The following BRME1 variants were observed in gnomAD, a reference collection of about 807,000 sequenced individuals.
The protein encoded by BRME1 is BRCA2 and MEILB2-associating protein 1.
A neutral mutation model predicts 52.6 loss-of-function variants in BRME1; 31 were observed. The ratio of observed to expected loss-of-function variants is 0.59; its 90% CI spans 0.44 to 0.80. The LOEUF (loss-of-function observed/expected upper bound fraction) is 0.80, where lower values mean the gene tolerates loss of function less well. Ranked by LOEUF, BRME1 falls within the 30% of genes least tolerant of loss-of-function variation. BRME1 has a pLI of 0.00. For missense variants in BRME1, 804 were observed against 860.3 expected, an observed-to-expected ratio of 0.93 and a Z score of 0.82; for synonymous variants, 359 against 353.6, an observed-to-expected ratio of 1.02 and a Z score of -0.17.
intron 2 of BRME1, among the ~76,000 whole-genome samples, chr19:13,902,019 C>T (rs6511897): frequency 0.34 from 51,325 of 150,000 alleles, 11,838 homozygotes; most frequent in African/African-American, 0.66. Context: ...CCAGCCTGGG[C>T]GACAAAGCAA....
Position 13,895,445 on chromosome 19 carries a change from C to T in BRME1, c.133G>A (p.Glu45Lys), listed in dbSNP as rs1969815579. ...SMLGCLHHPE[E>K]PEGKLGPVPS... ...ACAGGTCCCAATTTGCCCTCTGGCT[C>T]CTCAGGGTGATGTAAACAGCCCAAC... is the stretch of plus-strand genomic sequence containing the variant. Residue 45 changes from glutamate to lysine, a missense_variant, in exon 3 of 9, where the codon GAG (glutamate) becomes AAG (lysine). Glu to Lys is a moderately conservative substitution (Grantham distance 56). This residue lies in a region of BRME1 where 234 missense variants were observed against 258.1 expected (regional missense o/e 0.91). Coordinates refer to ENST00000586783, the MANE Select transcript of BRME1 (RefSeq NM_001345843.2). The T allele has an allele frequency of 1.2e-6, 2 of 1,614,048 alleles. No homozygotes were observed. Among genetic ancestry groups the T allele is most frequent in the South Asian group, 2.2e-5 (2 of 91,084 alleles).
Position 13,883,078 on chromosome 19 carries a change from T to TA in BRME1, c.1857-127dup. The TA allele has an allele frequency of 8.0e-7, 1 of 1,253,310 alleles. No individual in the cohort carries two copies. The highest frequency in any genetic ancestry group is 1.1e-6 in the Non-Finnish European group (1 of 906,558). 77.6% of individuals were successfully genotyped at this position (1,253,310 alleles called of 1,614,324 possible). Reference sequence around the variant, plus strand: ...CACACACGGCTCACACACGTGCACATAACCAGAAAGGGCCTGTTGTAGCAC... The same window carrying TA: ...CACACACGGCTCACACACGTGCACATAAACCAGAAAGGGCCTGTTGTAGCAC... On this transcript the variant is annotated intron_variant, in intron 8 of 8. Transcript: ENST00000586783. The surrounding 1 kb of genome is among the most constrained non-coding windows in gnomAD (Gnocchi z 4.2).
At chr19:13,895,024 G>A (rs1969778156) in intron 3 of BRME1, among the ~76,000 whole-genome samples, 3 of 151,970 alleles carry the variant, frequency 2.0e-5, no homozygotes. Context: ...GGGATTACAG[G>A]TGCGCCACCA....
chr19:13,900,826 C>T (rs1970245972), intron 2 of BRME1, among the ~76,000 whole-genome samples: 1 of 151,830 alleles, frequency 6.6e-6, no homozygotes, highest in Non-Finnish European at 1.5e-5. Flanking sequence ...CACATGCCAC[C>T]ATGCCCGGCT....
At chr19:13,891,611 G>A (rs1357572670) in intron 5 of BRME1, among the ~76,000 whole-genome samples, 3 of 151,796 alleles carry the variant, frequency 2.0e-5, no homozygotes, top group South Asian at 4.2e-4. Context: ...TGGGACTACA[G>A]GTACACACCA....
At chr19:13,891,090 T>C (rs961770389) in intron 5 of BRME1, among the ~76,000 whole-genome samples, 1 of 151,878 alleles carries the variant, frequency 6.6e-6, no homozygotes, top group Non-Finnish European at 1.5e-5. Flanking sequence ...ATCAGGGATA[T>C]GAAAATCAAG....
At chr19:13,893,650 G>A (rs1430152232) in intron 3 of BRME1, among the ~76,000 whole-genome samples, 1 of 152,150 alleles carries the variant, frequency 6.6e-6, no homozygotes, top group Non-Finnish European at 1.5e-5. Flanking sequence ...TAGGCTGGGC[G>A]TGGTGGCTCA....
At chr19:13,893,536 A>AAAAC (rs142886081) in intron 3 of BRME1, among the ~76,000 whole-genome samples, 55,858 of 151,582 alleles carry the variant, frequency 0.37, 14,700 homozygotes, top group African/African-American at 0.75. Context: ...TTCTGTGTCA[A>AAAAC]AAACAAACAA....
Position 13,889,192 on chromosome 19 carries a change from T to C in BRME1, c.1664A>G (p.Glu555Gly). The change falls in exon 6 of 9, where the codon GAG becomes GGG. Residue 555 changes from glutamate to glycine, a missense_variant. Physicochemically the swap from Glu to Gly is moderately conservative, Grantham distance 98 (BLOSUM62 -2). Coordinates refer to ENST00000586783, the MANE Select transcript of BRME1 (RefSeq NM_001345843.2). ...LDASDFEAPP[E>G]QLFPSGNKPG... is the part of the protein sequence containing the mutation. ...GTCACTCAGGGCAGCTCTCACCTGC[T>C]CAGGTGGGGCTTCGAAGTCAGAGGC... 1 of 1,577,608 alleles carries C rather than the reference T, an allele frequency of 6.3e-7. No homozygotes were observed.
At chr19:13,886,557 C>G (rs139886681) in intron 6 of BRME1, among the ~76,000 whole-genome samples, 1 of 152,192 alleles carries the variant, frequency 6.6e-6, no homozygotes, top group Non-Finnish European at 1.5e-5. Flanking sequence ...CCAGTGAATA[C>G]AGGGGAAAGC....
In BRME1 at chr19:13,883,487, G is replaced by A. The variant is rs1012389143; in HGVS notation, c.1764-87C>T. ...GTGGGAGGGGCTTCCGCAGGGCCTC[G>A]CGCCATCTTTTCCAGGTGTCCAGCC... On this transcript the variant is annotated intron_variant, in intron 7 of 8. Coordinates refer to ENST00000586783, the MANE Select transcript of BRME1 (RefSeq NM_001345843.2). The surrounding 1 kb of genome is among the most constrained non-coding windows in gnomAD (Gnocchi z 4.2). 21 of 1,002,596 alleles carry A rather than the reference G, an allele frequency of 2.1e-5. No individual in the cohort carries two copies. The highest frequency in any genetic ancestry group is 2.4e-4 in the Middle Eastern group (1 of 4,206). 62.1% of individuals were successfully genotyped at this position (1,002,596 alleles called of 1,614,324 possible).
At chr19:13,890,600 C>T (rs1003577277) in intron 5 of BRME1, 138 bp from the exon 6 acceptor site, 3 of 726,168 alleles carry the variant, frequency 4.1e-6, no homozygotes, top group Non-Finnish European at 6.1e-6. Context: ...CGTGATGGCT[C>T]ATGCCTGTAA....
At chr19:13,894,886 T>A (rs1031949067) in intron 3 of BRME1, among the ~76,000 whole-genome samples, 3 of 151,998 alleles carry the variant, frequency 2.0e-5, no homozygotes, top group African/African-American at 7.3e-5. Flanking sequence ...CAGTTAAAAC[T>A]TTTTTTTCTT....
intron 5 of BRME1, among the ~76,000 whole-genome samples, chr19:13,891,349 A>G (rs1416853141): frequency 6.6e-6 from 1 of 151,962 alleles, no homozygotes; most frequent in East Asian, 1.9e-4. Context: ...GAGTTTCTCC[A>G]TGTTGACCAG....
At chr19:13,905,258 T>A (rs978352188) in intron 1 of BRME1, among the ~76,000 whole-genome samples, 1 of 151,988 alleles carries the variant, frequency 6.6e-6, no homozygotes, top group African/African-American at 2.4e-5. Flanking sequence ...GACTGGGGTA[T>A]CTGGGGGCCC....
At position 13,890,025 on chromosome 19, in the gene BRME1, G is replaced by T. The variant is rs780700795; in HGVS notation, c.831C>A (p.Pro277=). ...AGGTAGGAGCTGATGCTGGGGTACA[G>T]GGGACACCGTCTCCCTCCTCCTGGG... ...GGPQEEGDGV[P]CTPASAPTSG... is the part of the protein sequence containing the mutation. The change falls in exon 6 of 9, where the codon CCC becomes CCA. Residue 277 remains proline, a synonymous_variant. Coordinates refer to ENST00000586783, the MANE Select transcript of BRME1 (RefSeq NM_001345843.2). 1.2e-6 allele frequency: 2 copies of T among 1,613,262 alleles called. No homozygotes were observed. The highest frequency in any genetic ancestry group is 3.3e-5 in the Admixed American group (2 of 60,012).
chr19:13,892,796 G>T lies in BRME1; in HGVS notation c.383C>A (p.Ala128Asp), dbSNP rs144225775. ...EMKDEDRGSGAFSLETIAESS... is the reference protein window; with the variant it reads ...EMKDEDRGSGDFSLETIAESS... ...ATTTTAGAGCCTTACCAGGCTAAAG[G>T]CCCCACTCCCACGGTCCTCATCCTT... The change falls in exon 5 of 9, where the codon GCC becomes GAC. Residue 128 changes from alanine to aspartate, a missense_variant. Ala to Asp is a moderately radical substitution (Grantham distance 126). Coordinates refer to ENST00000586783, the MANE Select transcript of BRME1 (RefSeq NM_001345843.2). The T allele has an allele frequency of 9.4e-5, 152 of 1,613,692 alleles. No individual in the cohort carries two copies. Among genetic ancestry groups the T allele is most frequent in the Non-Finnish European group, 1.2e-5 (14 of 1,179,726 alleles).
At chr19:13,894,777 T>A (rs555357840) in intron 3 of BRME1, among the ~76,000 whole-genome samples, 21 of 152,298 alleles carry the variant, frequency 1.4e-4, no homozygotes, top group African/African-American at 3.8e-4. Context: ...GTTCCCTTCT[T>A]GATTAAGGAA....
At chr19:13,901,699 A>G (rs1338716117) in intron 2 of BRME1, among the ~76,000 whole-genome samples, 4 of 143,852 alleles carry the variant, frequency 2.8e-5, no homozygotes, top group Non-Finnish European at 6.1e-5. Context: ...ACTGTCTCCA[A>G]AAAAAAAAAA....
Sources: allele counts gnomAD v4.1 joint callset (sites outside exome capture counted in the v4.1 genomes callset), GRCh38; gene constraint gnomAD v4.1.1; regional missense constraint gnomAD v4.1.1; non-coding constraint Gnocchi (gnomAD v3.1); transcripts MANE v1.5; gene names NCBI Gene and HGNC (gene_info 2026-07-23, HGNC 2026-07-21).